The following MEGF6 variants were observed in gnomAD, a reference collection of about 807,000 sequenced individuals.
MEGF6 encodes multiple epidermal growth factor-like domains protein 6.
Under a neutral mutation model 207.1 loss-of-function variants are expected in MEGF6, and 184 were observed. That is an observed-to-expected ratio of 0.89 (90% CI 0.79 to 1.00). The LOEUF is 1.00. Among genes scored for constraint, MEGF6 ranks in the 50% least tolerant of loss-of-function variants. MEGF6 has a pLI of 0.00. For missense variants in MEGF6, 2,282 were observed against 2,202.9 expected, an observed-to-expected ratio of 1.04 and a Z score of -0.72; for synonymous variants, 1,038 against 910.0, an observed-to-expected ratio of 1.14 and a Z score of -2.53.
chr1:3,542,492 G>A (rs1002051787), intron 4 of MEGF6, among the ~76,000 whole-genome samples: 2 of 152,158 alleles, frequency 1.3e-5, no homozygotes, highest in African/African-American at 2.4e-5. Context: ...TCAGCCTGAT[G>A]TGGGATCCTG....
intron 36 of MEGF6, 80 bp downstream of exon 36, chr1:3,490,832 A>T: frequency 6.6e-7 from 1 of 1,510,786 alleles, no homozygotes. Context: ...TGGGGCCCAG[A>T]TTATACTTAA....
Position 3,492,642 on chromosome 1 carries a change from C to T in MEGF6, c.4513G>A (p.Glu1505Lys). The change falls in exon 35 of 37, where the codon GAA (glutamate) becomes AAA (lysine). Residue 1505 changes from glutamate (E) to lysine (K), a missense_variant. Coordinates refer to ENST00000356575, the MANE Select transcript of MEGF6 (RefSeq NM_001409.4). ...TTCCCCAGGAAGCCCAGCTCACCTTCCCGGCACGTGGGCCCCATGTAGCCA... is the reference window on the plus strand; with the variant it reads ...TTCCCCAGGAAGCCCAGCTCACCTTTCCGGCACGTGGGCCCCATGTAGCCA... ...VDGYMGPTCREGGPLRLPENP... is the reference protein window; with the variant it reads ...VDGYMGPTCRKGGPLRLPENP... 1 of 1,609,854 alleles carries T rather than the reference C, an allele frequency of 6.2e-7. No individual in the cohort carries two copies. Among genetic ancestry groups the T allele is most frequent in the South Asian group, 1.1e-5 (1 of 91,016 alleles).
intron 2 of MEGF6, among the ~76,000 whole-genome samples, chr1:3,596,426 A>G (rs1304623510): frequency 1.3e-5 from 2 of 150,716 alleles, no homozygotes; most frequent in Non-Finnish European, 3.0e-5. Flanking sequence ...AAGCCCGGCC[A>G]CCTCAGGGCA....
At chr1:3,586,719 C>T (rs1034328409) in intron 3 of MEGF6, among the ~76,000 whole-genome samples, 5 of 152,188 alleles carry the variant, frequency 3.3e-5, no homozygotes, top group South Asian at 2.1e-4. Flanking sequence ...AAATGGAGGG[C>T]GGCCCGGGGT....
Position 3,505,447 on chromosome 1 carries a change from G to A in MEGF6, c.2028C>T (p.Gly676=), listed in dbSNP as rs1242275614. 8 of 1,604,886 alleles carry A rather than the reference G, an allele frequency of 5.0e-6. No homozygotes were observed. The highest frequency in any genetic ancestry group is 6.8e-6 in the Non-Finnish European group (8 of 1,176,210). Residue 676 remains glycine, a synonymous_variant, in exon 16 of 37, where the codon GGC becomes GGT. Coordinates refer to ENST00000356575, the MANE Select transcript of MEGF6 (RefSeq NM_001409.4). ...CTGCCTGACAGCGCTCGCCCCGGAAGCCAGCCTTGCAGGAGCAGCTGCCAT... is the reference window on the plus strand; with the variant it reads ...CTGCCTGACAGCGCTCGCCCCGGAAACCAGCCTTGCAGGAGCAGCTGCCAT... ...KRDGSCSCKA[G]FRGERCQAEC...
intron 17 of MEGF6, 90 bp from the exon 18 acceptor site, chr1:3,502,011 C>CCCCCCG: frequency 6.5e-7 from 1 of 1,532,870 alleles, no homozygotes; most frequent in Non-Finnish European, 8.8e-7. Flanking sequence ...TGAGTGTGCC[C>CCCCCCG]CCTGTGCCTC....
chr1:3,589,719 C>G (rs928297184), intron 3 of MEGF6, among the ~76,000 whole-genome samples: 1 of 152,256 alleles, frequency 6.6e-6, no homozygotes, highest in African/African-American at 2.4e-5. Flanking sequence ...GTGGCTGGGC[C>G]TCCATGACCG....
At chr1:3,494,560 C>T in intron 31 of MEGF6, 53 bp downstream of exon 31, 13 of 1,563,036 alleles carry the variant, frequency 8.3e-6, no homozygotes, top group Non-Finnish European at 9.5e-6. Context: ...CTATGGCAGC[C>T]CAGGGCACCT....
chr1:3,573,865 G>A lies in MEGF6; in HGVS notation c.481+5960C>T, dbSNP rs926715331. ...GCATTGAAAGGCAGTGGGGAGGGCCGCTTCCTCTCCATTAATCAATGGTCC... is the reference window on the plus strand; with the variant it reads ...GCATTGAAAGGCAGTGGGGAGGGCCACTTCCTCTCCATTAATCAATGGTCC... On this transcript the variant is annotated intron_variant, in intron 4 of 36. Coordinates refer to ENST00000356575, the MANE Select transcript of MEGF6 (RefSeq NM_001409.4). The surrounding 1 kb of genome is among the most constrained non-coding windows in gnomAD (Gnocchi z 5.1). 9.2e-5 allele frequency among the ~76,000 whole-genome samples: 14 copies of A among 152,242 alleles called. No homozygotes were observed. The highest frequency in any genetic ancestry group is 3.1e-4 in the African/African-American group (13 of 41,550).
In MEGF6 at chr1:3,496,712, C is replaced by T. The variant is rs1488053977; in HGVS notation, c.3685G>A (p.Ala1229Thr). 1 of 1,558,938 alleles carries T rather than the reference C, an allele frequency of 6.4e-7. No individual in the cohort carries two copies. Among genetic ancestry groups the T allele is most frequent in the South Asian group, 1.2e-5 (1 of 84,822 alleles). ...CGCLNGGSCD[A>T]ATGACRCPTG... ...GGGCAGCGGCAGGCCCCCGTGGCCGCATCACAGGAGCCCCCGTTGAGACAC... is the reference window on the plus strand; with the variant it reads ...GGGCAGCGGCAGGCCCCCGTGGCCGTATCACAGGAGCCCCCGTTGAGACAC... Residue 1229 changes from alanine to threonine, a missense_variant, in exon 29 of 37, where the codon GCG becomes ACG. Transcript: ENST00000356575.
At chr1:3,521,024 A>G (rs1003735371) in intron 5 of MEGF6, among the ~76,000 whole-genome samples, 7 of 152,256 alleles carry the variant, frequency 4.6e-5, no homozygotes, top group African/African-American at 1.4e-4. Context: ...CCTCACTCCA[A>G]GCTGCTAGTG....
intron 1 of MEGF6, among the ~76,000 whole-genome samples, chr1:3,606,443 C>T (rs928113746): frequency 6.6e-6 from 1 of 152,204 alleles, no homozygotes; most frequent in Non-Finnish European, 1.5e-5. Context: ...AATCTCAGCT[C>T]CCCACGCCCC....
At chr1:3,618,471 C>T in the MEGF6 span, among the ~76,000 whole-genome samples, 13 of 152,154 alleles carry the variant, frequency 8.5e-5, no homozygotes, top group African/African-American at 2.9e-4. This position sits in a 1 kb window ranked among gnomAD's most constrained non-coding sequence, Gnocchi z 4.7. Context: ...CAAAACCATC[C>T]TCCTGCTGGG....
rs1016275630 is a variant in MEGF6 at position 3,513,367 on chromosome 1, G to A, written c.853+1183C>T. 4.7e-5 allele frequency among the ~76,000 whole-genome samples: 7 copies of A among 149,622 alleles called. No homozygotes were observed. The South Asian group carries it at 8.5e-4, about 18-fold the overall frequency. ...GCTGGGACTCCTGCCTCGGCATCCCGAGTAGCTGGGACTCCTGCCTCGGCC... is the reference window on the plus strand; with the variant it reads ...GCTGGGACTCCTGCCTCGGCATCCCAAGTAGCTGGGACTCCTGCCTCGGCC... On this transcript the variant is annotated intron_variant, in intron 7 of 36. Transcript: ENST00000356575.
At chr1:3,551,160 C>T (rs951704745) in intron 4 of MEGF6, among the ~76,000 whole-genome samples, 1 of 152,218 alleles carries the variant, frequency 6.6e-6, no homozygotes, top group African/African-American at 2.4e-5. Context: ...CAGACCCAGC[C>T]CCCGTGGTGG....
Position 3,602,489 on chromosome 1 carries a change from C to T in MEGF6, c.243G>A (p.Ala81=), listed in dbSNP as rs558832713. 7.4e-6 allele frequency: 12 copies of T among 1,613,374 alleles called. No individual in the cohort carries two copies. Among genetic ancestry groups the T allele is most frequent in the Middle Eastern group, 1.7e-4 (1 of 6,058 alleles). Residue 81 remains alanine (A), a synonymous_variant, in exon 2 of 37, where the codon GCG becomes GCA. Coordinates refer to ENST00000356575, the MANE Select transcript of MEGF6 (RefSeq NM_001409.4). Reference sequence around the variant, plus strand: ...ACCTCCGCTCATGACCCACGCACCACGCCTGCCACCCACAGCCGGCCTTCC... The same window carrying T: ...ACCTCCGCTCATGACCCACGCACCATGCCTGCCACCCACAGCCGGCCTTCC... The part of the protein sequence containing the change: ...PVWKAGCGWQ[A]WCVGHERRTV...
At chr1:3,578,054 G>C (rs2794347) in intron 4 of MEGF6, among the ~76,000 whole-genome samples, 114,171 of 152,122 alleles carry the variant, frequency 0.75, 44,138 homozygotes, top group Non-Finnish European at 0.84. Flanking sequence ...GGGGACTGAC[G>C]GTGGGCAGAA....
intron 36 of MEGF6, 120 bp from the exon 37 acceptor site, chr1:3,490,709 T>TGGGTG (rs1437250056): frequency 4.9e-6 from 5 of 1,025,780 alleles, no homozygotes; most frequent in African/African-American, 3.3e-5. Context: ...GCCCAGCAGG[T>TGGGTG]GGGTGGGGCC....
At chr1:3,531,287 G>A (rs1642158497) in intron 4 of MEGF6, 8 of 1,298,320 alleles carry the variant, frequency 6.2e-6, no homozygotes, top group Middle Eastern at 2.9e-4. Context: ...AGGACCAACC[G>A]CGCTGCGCCC....
Sources: allele counts gnomAD v4.1 joint callset (sites outside exome capture counted in the v4.1 genomes callset), GRCh38; gene constraint gnomAD v4.1.1; non-coding constraint Gnocchi (gnomAD v3.1); transcripts MANE v1.5; gene names NCBI Gene and HGNC (gene_info 2026-07-23, HGNC 2026-07-21).